Variants in OR56A3 observed in about 807,000 individuals in gnomAD.
The protein encoded by OR56A3 is olfactory receptor 56A3.
Under a neutral mutation model 17.5 loss-of-function variants are expected in OR56A3, and 23 were observed. That is an observed-to-expected ratio of 1.32 (90% confidence interval 0.95 to 1.87). The LOEUF (loss-of-function observed/expected upper bound fraction) is 1.87. Ranked by LOEUF, OR56A3 falls within the 40% of genes most tolerant of loss-of-function variation. OR56A3 has a pLI of 0.00. For missense variants in OR56A3, 366 were observed against 380.1 expected (o/e 0.96, Z 0.31); for synonymous variants, 175 against 150.6 (o/e 1.16, Z -1.19).
At chr11:5,986,233 C>A in the OR56A3 span, 1 of 1,613,778 alleles carries the variant, frequency 6.2e-7, no homozygotes, top group Non-Finnish European at 8.5e-7. Flanking sequence ...ATAGGAAACA[C>A]CAATGGCCAG....
chr11:5,949,807 T>C lies in OR56A3; in HGVS notation c.*1513T>C, dbSNP rs1847897424. 2 of 152,118 alleles carry C rather than the reference T, an allele frequency of 1.3e-5. No homozygotes were observed. Among genetic ancestry groups the C allele is most frequent in the South Asian group, 2.1e-4 (1 of 4,816 alleles). 9.4% of individuals were successfully genotyped at this position (152,118 alleles called of 1,614,324 possible). A position where few individuals can be genotyped will look rare whatever the true frequency, so the allele number is the denominator to read the frequency against. On this transcript the variant is annotated 3_prime_UTR_variant, in exon 3 of 3. Coordinates refer to ENST00000641160, the MANE Select transcript of OR56A3 (RefSeq NM_001003443.3). ...TAAATTAGTATTTAATTCCTGGATA[T>C]CCTGGAATTGAAACCTACTGATTGA...
chr11:6,006,859 C>G, the OR56A3 span: 1 of 152,468 alleles, frequency 6.6e-6, no homozygotes, highest in South Asian at 2.1e-4. Flanking sequence ...CCTGGATTCC[C>G]CCTCCACTCA....
chr11:6,005,536 T>G, the OR56A3 span, among the ~76,000 whole-genome samples: 4 of 152,152 alleles, frequency 2.6e-5, no homozygotes, highest in African/African-American at 9.7e-5. Flanking sequence ...ACAGAATATT[T>G]GAAAAGGAAC....
chr11:5,964,310 T>C, the OR56A3 span, among the ~76,000 whole-genome samples: 165 of 152,340 alleles, frequency 1.1e-3, no homozygotes, highest in African/African-American at 3.8e-3. Context: ...TATAAGTTGA[T>C]GTCTGCCCAT....
the OR56A3 span, chr11:5,986,406 G>T: frequency 6.2e-7 from 1 of 1,613,990 alleles, no homozygotes; most frequent in South Asian, 1.1e-5. Flanking sequence ...TGGGGAAGGG[G>T]ATAAGGAGTA....
the OR56A3 span, among the ~76,000 whole-genome samples, chr11:5,961,507 G>C: frequency 1.3e-5 from 2 of 152,084 alleles, no homozygotes; most frequent in African/African-American, 4.8e-5. Context: ...ATGGATTAAG[G>C]GCGGTGCAAG....
the OR56A3 span, chr11:5,968,259 G>A: frequency 6.2e-7 from 1 of 1,613,566 alleles, no homozygotes; most frequent in Non-Finnish European, 8.5e-7. Flanking sequence ...GGGGATGACG[G>A]TGAGGCAGAG....
chr11:5,963,361 T>C, the OR56A3 span, among the ~76,000 whole-genome samples: 1 of 152,162 alleles, frequency 6.6e-6, no homozygotes, highest in Non-Finnish European at 1.5e-5. Flanking sequence ...ATCCCACAGG[T>C]CTGTAGTAAT....
the OR56A3 span, chr11:5,967,857 T>C: frequency 6.4e-7 from 1 of 1,569,308 alleles, no homozygotes; most frequent in Non-Finnish European, 8.7e-7. Context: ...AAGGATGAGG[T>C]CAGAGCCCAG....
At chr11:6,013,087 G>A in the OR56A3 span, among the ~76,000 whole-genome samples, 2 of 152,240 alleles carry the variant, frequency 1.3e-5, no homozygotes, top group South Asian at 4.1e-4. Context: ...GCCCAGGGGT[G>A]TGGGACTCCT....
rs1168897432 is a variant in OR56A3, at chr11:5,947,886, C to T, written c.540C>T (p.Asn180=). The change falls in exon 3 of 3, where the codon AAC becomes AAT. Residue 180 remains asparagine, a synonymous_variant. Coordinates refer to ENST00000641160, the MANE Select transcript of OR56A3 (RefSeq NM_001003443.3). ...ATTGTGGAAGAAATGTCATTGAGAACTGCATCTGTGCCAATATGTCTGTTT... is the reference window on the plus strand; with the variant it reads ...ATTGTGGAAGAAATGTCATTGAGAATTGCATCTGTGCCAATATGTCTGTTT... ...LRYCGRNVIE[N]CICANMSVSR... is the part of the protein sequence containing the mutation. 6.2e-7 allele frequency: 1 copy of T among 1,614,232 alleles called. No homozygotes were observed. The highest frequency in any genetic ancestry group is 8.5e-7 in the Non-Finnish European group (1 of 1,180,044).
chr11:5,986,597 A>G, the OR56A3 span: 1 of 1,613,964 alleles, frequency 6.2e-7, no homozygotes, highest in Middle Eastern at 1.7e-4. Flanking sequence ...CAGACGATGT[A>G]CCCAATCTCG....
the OR56A3 span, chr11:5,967,786 T>C: frequency 6.3e-7 from 1 of 1,585,788 alleles, no homozygotes; most frequent in Non-Finnish European, 8.6e-7. Flanking sequence ...GCTTTGGCCA[T>C]ATCTCCCTCA....
At chr11:5,962,132 A>G in the OR56A3 span, among the ~76,000 whole-genome samples, 2 of 152,240 alleles carry the variant, frequency 1.3e-5, no homozygotes, top group South Asian at 2.1e-4. Flanking sequence ...ATTTTTCTAC[A>G]TAGTGAAATG....
the OR56A3 span, among the ~76,000 whole-genome samples, chr11:5,989,391 A>C: frequency 6.8e-6 from 1 of 147,724 alleles, no homozygotes; most frequent in Non-Finnish European, 1.5e-5. Flanking sequence ...GGGCTGCTGA[A>C]ATAAGTAAAT....
At chr11:5,992,290 T>C in the OR56A3 span, among the ~76,000 whole-genome samples, 1 of 152,152 alleles carries the variant, frequency 6.6e-6, no homozygotes, top group African/African-American at 2.4e-5. Context: ...CTTTTCCTTC[T>C]CCAACGCAGT....
the OR56A3 span, among the ~76,000 whole-genome samples, chr11:5,961,038 C>A: frequency 6.6e-6 from 1 of 151,736 alleles, no homozygotes; most frequent in African/African-American, 2.4e-5. Flanking sequence ...AGCCGCCCCC[C>A]GTCTGGGAAT....
the OR56A3 span, among the ~76,000 whole-genome samples, chr11:5,963,281 T>G: frequency 6.6e-6 from 1 of 152,298 alleles, no homozygotes; most frequent in South Asian, 2.1e-4. Flanking sequence ...GTTGTTTATT[T>G]GAGATGCTTT....
In OR56A3 at chr11:5,947,826, T is replaced by G. The variant is rs1449398002; in HGVS notation, c.480T>G (p.Thr160=). The part of the protein sequence containing the change: ...MFILTRNVLM[T]LPIPILSAQL... Reference sequence around the variant, plus strand: ...TTTTGACCAGAAATGTGCTTATGACTCTGCCCATCCCCATCCTTTCAGCAC... The same window carrying G: ...TTTTGACCAGAAATGTGCTTATGACGCTGCCCATCCCCATCCTTTCAGCAC... The change falls in exon 3 of 3, where the codon ACT becomes ACG. Residue 160 remains threonine, a synonymous_variant. Coordinates refer to ENST00000641160, the MANE Select transcript of OR56A3 (RefSeq NM_001003443.3). 2 of 1,614,080 alleles carry G rather than the reference T, an allele frequency of 1.2e-6. No homozygotes were observed. The highest frequency in any genetic ancestry group is 1.7e-6 in the Non-Finnish European group (2 of 1,180,032).
Sources: allele counts gnomAD v4.1 joint callset (sites outside exome capture counted in the v4.1 genomes callset), GRCh38; gene constraint gnomAD v4.1.1; transcripts MANE v1.5; gene names NCBI Gene and HGNC (gene_info 2026-07-23, HGNC 2026-07-21).